KCNC2: variants seen among roughly 807,000 people sequenced by gnomAD.
The protein encoded by KCNC2 is voltage-gated potassium channel KCNC2.
A neutral mutation model predicts 44.5 loss-of-function variants in KCNC2; 21 were observed. That is an observed-to-expected ratio of 0.47 (90% CI 0.33 to 0.68). KCNC2 has a LOEUF of 0.68. KCNC2 is among the 30% of genes least tolerant of loss of function. The pLI is 0.01. For synonymous variants in KCNC2, 391 were observed against 339.1 expected (o/e 1.15, Z -1.68); for missense variants, 589 against 826.2 (o/e 0.71, Z 3.52).
intron 3 of KCNC2, among the ~76,000 whole-genome samples, chr12:75,049,190 C>T (rs1465973826): frequency 2.0e-5 from 3 of 152,122 alleles, no homozygotes; most frequent in African/African-American, 7.2e-5. Context: ...CTTACAAACA[C>T]TTACAAACTT....
chr12:75,158,740 G>C (rs535248517), intron 2 of KCNC2, among the ~76,000 whole-genome samples: 1 of 151,738 alleles, frequency 6.6e-6, no homozygotes, highest in South Asian at 2.1e-4. Flanking sequence ...AATGGATCTG[G>C]GTAGTTACAC....
At chr12:75,086,549 C>T (rs1331239985) in intron 2 of KCNC2, among the ~76,000 whole-genome samples, 1 of 150,894 alleles carries the variant, frequency 6.6e-6, no homozygotes, top group Non-Finnish European at 1.5e-5. Flanking sequence ...TACATTTGGT[C>T]ATGTAGTAGA....
intron 2 of KCNC2, among the ~76,000 whole-genome samples, chr12:75,084,269 TTAGA>T (rs3073544): frequency 3.8e-4 from 46 of 120,924 alleles, no homozygotes; most frequent in East Asian, 9.1e-4. Context: ...GATAGATAGA[TTAGA>T]TAGATAGATA....
intron 2 of KCNC2, among the ~76,000 whole-genome samples, chr12:75,140,715 A>G (rs1889589058): frequency 6.6e-6 from 1 of 152,038 alleles, no homozygotes; most frequent in Non-Finnish European, 1.5e-5. Context: ...AAAGAAAAAA[A>G]AAGTGAAGAA....
chr12:75,082,707 A>C (rs1217940488), intron 2 of KCNC2, among the ~76,000 whole-genome samples: 2 of 151,840 alleles, frequency 1.3e-5, no homozygotes, highest in Admixed American at 6.6e-5. Context: ...CTTTGTAACC[A>C]AATAAAATTA....
chr12:75,052,907 G>T (rs1881333557), intron 2 of KCNC2, among the ~76,000 whole-genome samples: 1 of 152,070 alleles, frequency 6.6e-6, no homozygotes, highest in African/African-American at 2.4e-5. Context: ...TCATGGCTTT[G>T]ACTTGCTCTT....
rs1477112741 is a variant in KCNC2, at chr12:75,041,701, AACTGAC to A, written c.*1398_*1403del. The A allele has an allele frequency of 1.0e-6, 1 of 994,386 alleles. No individual in the cohort carries two copies. The highest frequency in any genetic ancestry group is 1.7e-5 in the African/African-American group (1 of 57,330). 61.6% of individuals were successfully genotyped at this position (994,386 alleles called of 1,614,324 possible). On this transcript the variant is annotated 3_prime_UTR_variant, in exon 5 of 5. Transcript: ENST00000549446. ...TGAATGCTGGTTGCTAGGTAGTAGA[AACTGAC>A]ACTGCAGCAGGCAACCAAGTGCAAT...
chr12:75,159,181 A>T (rs1387222284), intron 2 of KCNC2, among the ~76,000 whole-genome samples: 1 of 151,706 alleles, frequency 6.6e-6, no homozygotes, highest in Non-Finnish European at 1.5e-5. Flanking sequence ...TGACGGGCTG[A>T]TGGGGGCAGC....
At chr12:75,122,375 C>G (rs1888106941) in intron 2 of KCNC2, among the ~76,000 whole-genome samples, 1 of 152,042 alleles carries the variant, frequency 6.6e-6, no homozygotes, top group Admixed American at 6.6e-5. Context: ...AGAGAAGAGC[C>G]CATTTCAGAA....
intron 2 of KCNC2, among the ~76,000 whole-genome samples, chr12:75,136,882 C>T (rs1889270554): frequency 6.6e-6 from 1 of 152,068 alleles, no homozygotes; most frequent in Non-Finnish European, 1.5e-5. Context: ...AAGTCCCTCC[C>T]GTTCTTTAAA....
chr12:75,168,198 A>G (rs1189406639), intron 2 of KCNC2, among the ~76,000 whole-genome samples: 1 of 151,480 alleles, frequency 6.6e-6, no homozygotes, highest in Non-Finnish European at 1.5e-5. Flanking sequence ...GCCCTGGAAA[A>G]AACTCTATGA....
At chr12:75,181,652 C>G (rs1892583151) in intron 2 of KCNC2, among the ~76,000 whole-genome samples, 1 of 152,108 alleles carries the variant, frequency 6.6e-6, no homozygotes, top group Non-Finnish European at 1.5e-5. Context: ...TCCAAAATTG[C>G]CGATTTGGCA....
Position 75,048,203 on chromosome 12 carries a change from A to T in KCNC2, c.1730T>A (p.Leu577Gln). 1 of 1,613,096 alleles carries T rather than the reference A, an allele frequency of 6.2e-7. No individual in the cohort carries two copies. Among genetic ancestry groups the T allele is most frequent in the Non-Finnish European group, 8.5e-7 (1 of 1,179,370 alleles). ...ACACGTGTAATCACCTGTCGTCAGT[A>T]GGAAACATGTTTCCCCTCTTCTGTT... ...DKNRRGETCF[L>Q]LTTGDYTCAS... is the part of the protein sequence containing the mutation. The change falls in exon 4 of 5, where the codon CTA (leucine) becomes CAA (glutamine). Residue 577 changes from leucine to glutamine, a missense_variant. By Grantham distance (113) the Leu-to-Gln change is moderately radical. Transcript: ENST00000549446.
intron 2 of KCNC2, among the ~76,000 whole-genome samples, chr12:75,152,343 AAC>A (rs1890461259): frequency 6.6e-6 from 1 of 151,824 alleles, no homozygotes; most frequent in Admixed American, 6.6e-5. Context: ...AATAAACAAA[AAC>A]ACGTTATTAA....
intron 2 of KCNC2, among the ~76,000 whole-genome samples, chr12:75,204,850 G>A (rs2031562263): frequency 6.6e-6 from 1 of 152,036 alleles, no homozygotes. Flanking sequence ...AATTTGAAAA[G>A]GGATTTCCCT....
chr12:75,130,781 TA>T (rs1224440806), intron 2 of KCNC2, among the ~76,000 whole-genome samples: 5,175 of 122,428 alleles, frequency 0.042, 250 homozygotes, highest in African/African-American at 0.12. Context: ...CTCCTAGTAA[TA>T]AAAAAAAAAA....
At chr12:75,111,987 G>GA (rs1202740606) in intron 2 of KCNC2, among the ~76,000 whole-genome samples, 3 of 143,488 alleles carry the variant, frequency 2.1e-5, no homozygotes, top group Non-Finnish European at 4.5e-5. Context: ...AATTCAATAG[G>GA]AAAAAATTCA....
At chr12:75,173,870 G>C (rs972008098) in intron 2 of KCNC2, among the ~76,000 whole-genome samples, 1 of 151,742 alleles carries the variant, frequency 6.6e-6, no homozygotes, top group African/African-American at 2.4e-5. Flanking sequence ...TCCTTGATTT[G>C]ATCTTAAAAC....
chr12:75,060,032 A>G (rs1360601769), intron 2 of KCNC2, among the ~76,000 whole-genome samples: 1 of 152,098 alleles, frequency 6.6e-6, no homozygotes, highest in Non-Finnish European at 1.5e-5. Context: ...TTCAATCTCA[A>G]TCAATAAAGG....
Sources: allele counts gnomAD v4.1 joint callset (sites outside exome capture counted in the v4.1 genomes callset), GRCh38; gene constraint gnomAD v4.1.1; transcripts MANE v1.5; gene names NCBI Gene and HGNC (gene_info 2026-07-23, HGNC 2026-07-21).